Variants in PPFIA2 observed in about 807,000 individuals in gnomAD.
The protein encoded by PPFIA2 is liprin-alpha-2.
In PPFIA2, 46 loss-of-function variants were observed where a neutral mutation model predicts 175.5. The ratio of observed to expected loss-of-function variants is 0.26; its 90% CI spans 0.21 to 0.34. The LOEUF is 0.34. Among genes scored for constraint, PPFIA2 ranks in the 10% least tolerant of loss-of-function variants. The probability of loss-of-function intolerance (pLI) is 1.00; values close to 1 mark genes in which losing one functional copy is unlikely to be tolerated. For missense variants in PPFIA2, 1,179 were observed against 1,506.1 expected (o/e 0.78, Z 3.60); for synonymous variants, 568 against 511.4 (o/e 1.11, Z -1.49).
intron 4 of PPFIA2, among the ~76,000 whole-genome samples, chr12:81,636,224 C>G (rs2063995745): frequency 6.6e-6 from 1 of 151,698 alleles, no homozygotes. Context: ...GTTAATAGTC[C>G]TCAAACGTAA....
rs148699650 is a variant in PPFIA2, at chr12:81,585,373, TA to T, written c.303+91417del. Among the ~76,000 whole-genome samples the T allele has an allele frequency of 1.6e-3, 246 of 151,874 alleles. 2 individuals carry two copies. The highest frequency in any genetic ancestry group is 6.8e-3 in the Middle Eastern group (2 of 294). The stretch of plus-strand genomic sequence containing the variant: ...CTGTTTTACTTTATAAACTTTAGGT[TA>T]TTTTTTTCACTTTTTGACTCTTCTG... On this transcript the variant is annotated intron_variant, in intron 4 of 32. Transcript: ENST00000549396.
chr12:81,439,612 T>C (rs2049784145), intron 7 of PPFIA2, among the ~76,000 whole-genome samples: 1 of 152,150 alleles, frequency 6.6e-6, no homozygotes, highest in Non-Finnish European at 1.5e-5. Flanking sequence ...TCCAAGGAGT[T>C]CACTTTTATT....
intron 3 of PPFIA2, among the ~76,000 whole-genome samples, chr12:81,706,672 G>C (rs899184408): frequency 5.3e-5 from 8 of 152,092 alleles, no homozygotes; most frequent in Non-Finnish European, 7.4e-5. Context: ...AGGCTGCTCA[G>C]GGGTCAGGGG....
At chr12:81,521,143 G>T (rs1308442090) in intron 4 of PPFIA2, among the ~76,000 whole-genome samples, 1 of 151,660 alleles carries the variant, frequency 6.6e-6, no homozygotes, top group Non-Finnish European at 1.5e-5. Context: ...ATAACTCAAT[G>T]ATTAGAGTCA....
At chr12:81,359,053 T>C (rs577315541) in intron 15 of PPFIA2, among the ~76,000 whole-genome samples, 1 of 152,206 alleles carries the variant, frequency 6.6e-6, no homozygotes, top group Non-Finnish European at 1.5e-5. Flanking sequence ...AGCAAATTCA[T>C]TTTATTGTTA....
chr12:81,666,732 G>A (rs767448250), intron 4 of PPFIA2, among the ~76,000 whole-genome samples: 1 of 151,962 alleles, frequency 6.6e-6, no homozygotes, highest in Non-Finnish European at 1.5e-5. Flanking sequence ...TGCACGTTGT[G>A]CACACGTACC....
intron 4 of PPFIA2, among the ~76,000 whole-genome samples, chr12:81,469,586 A>G (rs2146247477): frequency 6.6e-6 from 1 of 152,372 alleles, no homozygotes; most frequent in South Asian, 2.1e-4. Context: ...TCTAAGATCC[A>G]AAAGAGCCTA....
At chr12:81,308,451 C>A (rs921318079) in intron 22 of PPFIA2, among the ~76,000 whole-genome samples, 4 of 152,174 alleles carry the variant, frequency 2.6e-5, no homozygotes, top group Non-Finnish European at 4.4e-5. Flanking sequence ...GGTGCAGAAT[C>A]AGAATTTGAA....
At chr12:81,306,066 G>C (rs1415028302) in intron 22 of PPFIA2, among the ~76,000 whole-genome samples, 1 of 152,142 alleles carries the variant, frequency 6.6e-6, no homozygotes, top group Non-Finnish European at 1.5e-5. Context: ...TGTCACTCAT[G>C]ATGGCCATTT....
chr12:81,265,745 T>C (rs1463939094), intron 30 of PPFIA2, among the ~76,000 whole-genome samples: 1 of 152,200 alleles, frequency 6.6e-6, no homozygotes, highest in African/African-American at 2.4e-5. Context: ...TTCTAGTTCA[T>C]TACTATTAAG....
chr12:81,548,139 A>C (rs1180907330), intron 4 of PPFIA2, among the ~76,000 whole-genome samples: 1 of 152,194 alleles, frequency 6.6e-6, no homozygotes, highest in Admixed American at 6.5e-5. Context: ...CAAAGTCTAT[A>C]TAATCAAGAA....
In PPFIA2 at chr12:81,659,358, C is replaced by G. The variant is rs1157435291; in HGVS notation, c.303+17433G>C. 2.6e-5 allele frequency among the ~76,000 whole-genome samples: 4 copies of G among 152,268 alleles called. No individual in the cohort carries two copies. In the South Asian group the frequency reaches 8.3e-4, roughly 32 times the overall value. On this transcript the variant is annotated intron_variant, in intron 4 of 32. Transcript: ENST00000549396. Reference sequence around the variant, plus strand: ...ACAGCACCTGGAAAATCAGGTCACTCCCACCCTAATACTGCACTTTCTTAG... The same window carrying G: ...ACAGCACCTGGAAAATCAGGTCACTGCCACCCTAATACTGCACTTTCTTAG...
At chr12:81,506,972 G>A (rs1232565343) in intron 4 of PPFIA2, among the ~76,000 whole-genome samples, 1 of 152,174 alleles carries the variant, frequency 6.6e-6, no homozygotes, top group African/African-American at 2.4e-5. Flanking sequence ...AAGTCCTAAT[G>A]CTTTAAAGCA....
At chr12:81,703,091 A>C (rs1482980152) in intron 3 of PPFIA2, among the ~76,000 whole-genome samples, 1 of 151,474 alleles carries the variant, frequency 6.6e-6, no homozygotes. Flanking sequence ...CAGTCCACAG[A>C]CCTCTTCTCT....
intron 3 of PPFIA2, among the ~76,000 whole-genome samples, chr12:81,715,799 G>A (rs73151310): frequency 0.12 from 18,821 of 151,516 alleles, 1,301 homozygotes; most frequent in Non-Finnish European, 0.15. Flanking sequence ...ATGCTCCCTT[G>A]ATTTCATATT....
chr12:81,305,768 G>A (rs2048987713), intron 22 of PPFIA2, among the ~76,000 whole-genome samples: 1 of 152,112 alleles, frequency 6.6e-6, no homozygotes, highest in Non-Finnish European at 1.5e-5. Context: ...TTACTTATTA[G>A]ACAATCCTTT....
intron 4 of PPFIA2, among the ~76,000 whole-genome samples, chr12:81,611,743 C>T (rs1162598433): frequency 6.6e-6 from 1 of 152,082 alleles, no homozygotes; most frequent in African/African-American, 2.4e-5. Flanking sequence ...AAGTGATGGG[C>T]GTTTATGGCT....
chr12:81,550,256 T>C (rs1276916022), intron 4 of PPFIA2, among the ~76,000 whole-genome samples: 1 of 151,910 alleles, frequency 6.6e-6, no homozygotes, highest in Non-Finnish European at 1.5e-5. Flanking sequence ...AATCTGGGGA[T>C]TAGAGGTCTA....
At chr12:81,515,184 T>C (rs2062265162) in intron 4 of PPFIA2, among the ~76,000 whole-genome samples, 1 of 151,934 alleles carries the variant, frequency 6.6e-6, no homozygotes, top group Non-Finnish European at 1.5e-5. Flanking sequence ...TAATGAACAG[T>C]ATTTGAGAGG....
Sources: allele counts gnomAD v4.1 joint callset (sites outside exome capture counted in the v4.1 genomes callset), GRCh38; gene constraint gnomAD v4.1.1; transcripts MANE v1.5; gene names NCBI Gene and HGNC (gene_info 2026-07-23, HGNC 2026-07-21).